USP32: variants seen among roughly 807,000 people sequenced by gnomAD.
The protein encoded by USP32 is ubiquitin specific peptidase 32, also known as ubiquitin carboxyl-terminal hydrolase 32.
Under a neutral mutation model 204.8 loss-of-function variants are expected in USP32, and 59 were observed. The ratio of observed to expected loss-of-function variants is 0.29; its 90% CI spans 0.23 to 0.36. The LOEUF (loss-of-function observed/expected upper bound fraction) is 0.36, where lower values mean the gene tolerates loss of function less well. USP32 is among the 10% of genes least tolerant of loss of function. USP32 has a pLI of 1.00. For synonymous variants in USP32, 517 were observed against 678.4 expected, an observed-to-expected ratio of 0.76 and a Z score of 3.70; for missense variants, 1,160 against 1,946.4, an observed-to-expected ratio of 0.60 and a Z score of 7.60.
chr17:60,244,096 C>T (rs1056341930), intron 11 of USP32, among the ~76,000 whole-genome samples: 6 of 129,952 alleles, frequency 4.6e-5, no homozygotes, highest in African/African-American at 1.8e-4. Flanking sequence ...AGTGCAGTGA[C>T]GCGATCTCGG....
chr17:60,310,345 C>T (rs557025977), intron 2 of USP32, among the ~76,000 whole-genome samples: 2 of 152,238 alleles, frequency 1.3e-5, no homozygotes, highest in East Asian at 1.9e-4. Flanking sequence ...AACCTAAGTG[C>T]CCATCAACAG....
chr17:60,238,396 A>G (rs1290236847), intron 11 of USP32, among the ~76,000 whole-genome samples: 2 of 152,104 alleles, frequency 1.3e-5, no homozygotes, highest in East Asian at 3.9e-4. Flanking sequence ...TGCCAGGTAC[A>G]GTGGCTCACA....
At chr17:60,421,396 T>G (rs996883729) in intron 1 of USP32, 39 of 985,506 alleles carry the variant, frequency 4.0e-5, no homozygotes, top group Non-Finnish European at 4.3e-5. Context: ...GCCCCTCTCC[T>G]GTGCCCGAGG....
chr17:60,265,634 G>A (rs1326938275), intron 8 of USP32, among the ~76,000 whole-genome samples, 160 bp from the exon 9 acceptor site: 1 of 152,216 alleles, frequency 6.6e-6, no homozygotes, highest in African/African-American at 2.4e-5. Flanking sequence ...CTGGGCTAAA[G>A]TGATCCTCCA....
intron 1 of USP32, among the ~76,000 whole-genome samples, chr17:60,419,817 A>AATTATTATT (rs113546748): frequency 1.4e-5 from 2 of 138,662 alleles, no homozygotes; most frequent in South Asian, 2.3e-4. Flanking sequence ...GGTTAAAAAA[A>AATTATTATT]ATTATTATTA....
chr17:60,184,638 A>G (rs1200979601), intron 30 of USP32, among the ~76,000 whole-genome samples: 1 of 151,914 alleles, frequency 6.6e-6, no homozygotes, highest in Non-Finnish European at 1.5e-5. Flanking sequence ...GTGAAACCCC[A>G]TATCTACTAA....
At chr17:60,269,420 C>T in intron 7 of USP32, 30 bp downstream of exon 7, 1 of 1,563,402 alleles carries the variant, frequency 6.4e-7, no homozygotes, top group Non-Finnish European at 8.7e-7. Flanking sequence ...ACATAGTTTG[C>T]AATTTTTTGA....
chr17:60,388,685 T>A (rs866211959), intron 1 of USP32, among the ~76,000 whole-genome samples: 1 of 152,130 alleles, frequency 6.6e-6, no homozygotes, highest in Non-Finnish European at 1.5e-5. Context: ...TTAAGAAAGA[T>A]AGATTCAAGC....
At chr17:60,249,430 T>C in intron 11 of USP32, 1 of 334,980 alleles carries the variant, frequency 3.0e-6, no homozygotes, top group Non-Finnish European at 5.4e-6. Flanking sequence ...TCCTGTTCCC[T>C]GTTAAAAATT....
At chr17:60,307,473 T>C (rs2087752570) in intron 2 of USP32, among the ~76,000 whole-genome samples, 1 of 152,140 alleles carries the variant, frequency 6.6e-6, no homozygotes, top group South Asian at 2.1e-4. Context: ...TATCAAAATA[T>C]CAATGACATT....
At chr17:60,391,015 T>C (rs998679816) in intron 1 of USP32, among the ~76,000 whole-genome samples, 1 of 151,714 alleles carries the variant, frequency 6.6e-6, no homozygotes, top group Admixed American at 6.6e-5. Flanking sequence ...TCAGAGTGAG[T>C]GGTAGGGGGT....
chr17:60,275,300 T>C (rs1374881971), intron 5 of USP32, among the ~76,000 whole-genome samples: 1 of 151,982 alleles, frequency 6.6e-6, no homozygotes, highest in Non-Finnish European at 1.5e-5. Flanking sequence ...CTACTAAAAA[T>C]ACAAAAATTA....
At chr17:60,224,536 G>T (rs1347709286) in intron 13 of USP32, among the ~76,000 whole-genome samples, 1 of 152,192 alleles carries the variant, frequency 6.6e-6, no homozygotes, top group African/African-American at 2.4e-5. Context: ...TGTAATCTCA[G>T]CACTTTGGGA....
chr17:60,370,130 C>G (rs2089409072), intron 1 of USP32, among the ~76,000 whole-genome samples: 1 of 151,948 alleles, frequency 6.6e-6, no homozygotes, highest in Non-Finnish European at 1.5e-5. Context: ...ACTGCATCCT[C>G]CACCTCCTGG....
intron 2 of USP32, among the ~76,000 whole-genome samples, chr17:60,316,369 G>A (rs556176554): frequency 1.6e-4 from 25 of 152,190 alleles, no homozygotes; most frequent in African/African-American, 5.5e-4. Context: ...AATGGGGAAC[G>A]GAAATCAGGT....
chr17:60,359,069 A>G (rs1037734691), intron 1 of USP32, among the ~76,000 whole-genome samples: 3 of 152,160 alleles, frequency 2.0e-5, no homozygotes, highest in African/African-American at 4.8e-5. Context: ...TCCTCTGCCT[A>G]TGAGCTCCAA....
At chr17:60,352,991 TA>T (rs977845573) in intron 1 of USP32, among the ~76,000 whole-genome samples, 1 of 152,252 alleles carries the variant, frequency 6.6e-6, no homozygotes, top group African/African-American at 2.4e-5. Flanking sequence ...AAGATTAGTC[TA>T]GGGGAGAATT....
Position 60,206,190 on chromosome 17 carries a change from G to A in USP32, c.3038-532C>T, listed in dbSNP as rs574618139. Among the ~76,000 whole-genome samples, 8 of 147,196 alleles carry A rather than the reference G, an allele frequency of 5.4e-5. No individual in the cohort carries two copies. The South Asian group carries it at 1.3e-3, about 23-fold the overall frequency. ...ACCATAGCTGGGCATGGTGGTACAC[G>A]TTTGTAGTCCCAGCTACTTGGGAAG... On this transcript the variant is annotated intron_variant, in intron 25 of 33. Coordinates refer to ENST00000300896, the MANE Select transcript of USP32 (RefSeq NM_032582.4).
At chr17:60,246,540 T>G (rs1415037408) in intron 11 of USP32, among the ~76,000 whole-genome samples, 3 of 151,166 alleles carry the variant, frequency 2.0e-5, no homozygotes, top group African/African-American at 7.3e-5. Flanking sequence ...CTGATTTCCT[T>G]TCTTCTGAAT....
Sources: allele counts gnomAD v4.1 joint callset (sites outside exome capture counted in the v4.1 genomes callset), GRCh38; gene constraint gnomAD v4.1.1; transcripts MANE v1.5; gene names NCBI Gene and HGNC (gene_info 2026-07-23, HGNC 2026-07-21).